The following SUPT3H variants were observed in gnomAD, a reference collection of about 807,000 sequenced individuals.
The protein encoded by SUPT3H is SPT3 homolog, SAGA and STAGA complex component.
A neutral mutation model predicts 44.3 loss-of-function variants in SUPT3H; 44 were observed. That is an observed-to-expected ratio of 0.99 (90% CI 0.78 to 1.28). The LOEUF (loss-of-function observed/expected upper bound fraction) is 1.28, where lower values mean the gene tolerates loss of function less well. Ranked by LOEUF, SUPT3H falls within the 50% of genes most tolerant of loss-of-function variation. The pLI, the probability that SUPT3H is intolerant of heterozygous loss-of-function variation, is 0.00. For synonymous variants in SUPT3H, 124 were observed against 125.6 expected, an observed-to-expected ratio of 0.99 and a Z score of 0.09; for missense variants, 380 against 387.1, an observed-to-expected ratio of 0.98 and a Z score of 0.15.
chr6:45,252,486 GAAT>G (rs1474768071), intron 2 of SUPT3H, among the ~76,000 whole-genome samples: 2 of 152,072 alleles, frequency 1.3e-5, no homozygotes, highest in Non-Finnish European at 2.9e-5. Context: ...CAGTTCCATT[GAAT>G]AATTCACTCG....
At chr6:45,353,476 T>C (rs1233297805) in intron 2 of SUPT3H, among the ~76,000 whole-genome samples, 1 of 152,002 alleles carries the variant, frequency 6.6e-6, no homozygotes, top group Non-Finnish European at 1.5e-5. Context: ...AGCAGAAAAG[T>C]TTAAAATAAT....
chr6:45,213,847 G>A (rs2153631735), intron 2 of SUPT3H, among the ~76,000 whole-genome samples: 1 of 151,784 alleles, frequency 6.6e-6, no homozygotes, highest in Non-Finnish European at 1.5e-5. Flanking sequence ...ATTTTAAACA[G>A]AAGATAAAAA....
At chr6:44,837,652 CA>C (rs1436859838) in intron 10 of SUPT3H, among the ~76,000 whole-genome samples, 1 of 152,202 alleles carries the variant, frequency 6.6e-6, no homozygotes. Flanking sequence ...TACTGATTAT[CA>C]GTCAACAGTG....
At chr6:45,366,933 C>G (rs1795234569) in intron 1 of SUPT3H, among the ~76,000 whole-genome samples, 1 of 152,138 alleles carries the variant, frequency 6.6e-6, no homozygotes, top group Admixed American at 6.6e-5. Flanking sequence ...CCAAATTTAT[C>G]TTCTTAATAT....
At chr6:45,004,442 A>G (rs1782427895) in intron 5 of SUPT3H, among the ~76,000 whole-genome samples, 1 of 152,022 alleles carries the variant, frequency 6.6e-6, no homozygotes, top group South Asian at 2.1e-4. Flanking sequence ...TATATCTCTA[A>G]GCACATTAAC....
chr6:45,171,400 CTT>C lies in SUPT3H; in HGVS notation c.102-65396_102-65395del, dbSNP rs1028642727. The stretch of plus-strand genomic sequence containing the variant: ...ACAACATAAACAAGGCAAAAATACT[CTT>C]AAGAAATATTTGCTAGAAATAAAGG... On this transcript the variant is annotated intron_variant, in intron 2 of 10. Transcript: ENST00000371459. Among the ~76,000 whole-genome samples the C allele has an allele frequency of 1.4e-4, 21 of 152,228 alleles. No homozygotes were observed. In the East Asian group the frequency reaches 3.1e-3, roughly 22 times the overall value.
intron 6 of SUPT3H, among the ~76,000 whole-genome samples, chr6:45,001,477 A>T (rs1260081085): frequency 6.6e-6 from 1 of 152,076 alleles, no homozygotes; most frequent in African/African-American, 2.4e-5. Flanking sequence ...AGTCACATAA[A>T]CTAATAGTAA....
intron 4 of SUPT3H, among the ~76,000 whole-genome samples, chr6:45,017,423 G>C (rs1784462132): frequency 1.3e-5 from 2 of 151,308 alleles, no homozygotes; most frequent in African/African-American, 4.8e-5. Flanking sequence ...CCTTGCCCAT[G>C]CCTATGTCCT....
chr6:44,885,440 G>GCAGCAT (rs1762101621), intron 10 of SUPT3H, among the ~76,000 whole-genome samples: 1 of 152,094 alleles, frequency 6.6e-6, no homozygotes, highest in Non-Finnish European at 1.5e-5. Flanking sequence ...CGATCAGACA[G>GCAGCAT]CAGCATTCGC....
chr6:45,344,217 T>C (rs1250937175), intron 2 of SUPT3H, among the ~76,000 whole-genome samples: 1 of 152,166 alleles, frequency 6.6e-6, no homozygotes, highest in African/African-American at 2.4e-5. Flanking sequence ...TTCCTAGAAG[T>C]TTAGCTCCTC....
chr6:45,011,962 A>G (rs182278902), intron 5 of SUPT3H, among the ~76,000 whole-genome samples: 17 of 150,136 alleles, frequency 1.1e-4, no homozygotes, highest in Non-Finnish European at 2.1e-4. Context: ...TCGGTGGAGA[A>G]GTTTTTTCTT....
At chr6:45,297,100 A>C (rs1781423197) in intron 2 of SUPT3H, among the ~76,000 whole-genome samples, 1 of 152,038 alleles carries the variant, frequency 6.6e-6, no homozygotes, top group African/African-American at 2.4e-5. Flanking sequence ...AAGGAAAAAA[A>C]AATGATGTGC....
intron 10 of SUPT3H, among the ~76,000 whole-genome samples, chr6:44,896,117 T>C (rs1256319148): frequency 6.6e-6 from 1 of 152,122 alleles, no homozygotes; most frequent in Non-Finnish European, 1.5e-5. Context: ...GGGGTCCAGC[T>C]GTGTAGATGC....
intron 2 of SUPT3H, among the ~76,000 whole-genome samples, chr6:45,301,430 C>T (rs1307863911): frequency 6.6e-6 from 1 of 151,870 alleles, no homozygotes; most frequent in Non-Finnish European, 1.5e-5. Context: ...AGTTTTTCCC[C>T]TTATTCTTTT....
chr6:45,137,412 T>A (rs980886642), intron 2 of SUPT3H, among the ~76,000 whole-genome samples: 5 of 151,990 alleles, frequency 3.3e-5, no homozygotes, highest in Non-Finnish European at 7.4e-5. Context: ...TAGTTTCTTT[T>A]AAAGACATAT....
chr6:44,889,816 T>G (rs1762983995), intron 10 of SUPT3H, among the ~76,000 whole-genome samples: 1 of 151,752 alleles, frequency 6.6e-6, no homozygotes, highest in Non-Finnish European at 1.5e-5. Flanking sequence ...ACCATCAGAG[T>G]GAACAGGCAA....
At chr6:45,333,501 AC>A (rs1349596328) in intron 2 of SUPT3H, among the ~76,000 whole-genome samples, 1 of 151,570 alleles carries the variant, frequency 6.6e-6, no homozygotes, top group African/African-American at 2.4e-5. Flanking sequence ...AAGATTTGGA[AC>A]AGTGTTGAGT....
At chr6:44,930,427 G>A (rs1268427083) in intron 10 of SUPT3H, among the ~76,000 whole-genome samples, 1 of 151,222 alleles carries the variant, frequency 6.6e-6, no homozygotes, top group Non-Finnish European at 1.5e-5. Flanking sequence ...GTTGGGCATG[G>A]TGGCAGGTGC....
rs145019620 is a variant in SUPT3H at position 44,881,960 on chromosome 6, C to A, written c.912+50693G>T. ...GAAAGATCCAAAATCGACACCCTAA[C>A]ATCACAACTAAAAGAACTAGAGAAG... On this transcript the variant is annotated intron_variant, in intron 10 of 10. Transcript: ENST00000371459. 4.7e-3 allele frequency among the ~76,000 whole-genome samples: 723 copies of A among 152,244 alleles called. 6 individuals are homozygous for A. The highest frequency in any genetic ancestry group is 0.016 in the African/African-American group (683 of 41,550).
Sources: gnomAD v4.1 joint callset for allele counts (sites outside exome capture counted in the v4.1 genomes callset) on GRCh38, gnomAD v4.1.1 for gene constraint, MANE v1.5 for transcripts, NCBI Gene and HGNC (gene_info 2026-07-23, HGNC 2026-07-21) for gene names.